The following HMGCLL1 variants were observed in gnomAD, a reference collection of about 807,000 sequenced individuals.
HMGCLL1 encodes the protein 3-hydroxy-3-methylglutaryl-CoA lyase like 1, also known as 3-hydroxymethyl-3-methylglutaryl-CoA lyase, cytoplasmic.
In HMGCLL1, 36 loss-of-function variants were observed where a neutral mutation model predicts 39.1. The ratio of observed to expected loss-of-function variants is 0.92; its 90% CI spans 0.71 to 1.22. HMGCLL1 has a LOEUF of 1.22. HMGCLL1 is among the 50% of genes most tolerant of loss of function. The pLI, the probability that HMGCLL1 is intolerant of heterozygous loss-of-function variation, is 0.00. For synonymous variants in HMGCLL1, 149 were observed against 144.0 expected, an observed-to-expected ratio of 1.03 and a Z score of -0.25; for missense variants, 451 against 416.5, an observed-to-expected ratio of 1.08 and a Z score of -0.72.
the HMGCLL1 span, among the ~76,000 whole-genome samples, chr6:55,636,540 A>G: frequency 6.6e-6 from 1 of 152,112 alleles, no homozygotes; most frequent in Non-Finnish European, 1.5e-5. Context: ...ATTGCTGGTA[A>G]GCTAAATAAC....
intron 3 of HMGCLL1, among the ~76,000 whole-genome samples, chr6:55,539,609 C>A (rs1344282703): frequency 1.3e-5 from 2 of 151,508 alleles, no homozygotes; most frequent in African/African-American, 4.9e-5. Context: ...GAATAGAAAA[C>A]CAAATACTGC....
the HMGCLL1 span, among the ~76,000 whole-genome samples, chr6:55,622,308 T>C: frequency 6.6e-6 from 1 of 152,060 alleles, no homozygotes; most frequent in South Asian, 2.1e-4. Flanking sequence ...TAGTACTATG[T>C]TGAATAATTG....
chr6:55,567,185 T>C (rs1183428229), intron 1 of HMGCLL1, among the ~76,000 whole-genome samples: 2 of 152,034 alleles, frequency 1.3e-5, no homozygotes, highest in Non-Finnish European at 2.9e-5. Flanking sequence ...ACTTCAAAAG[T>C]ATTGAGGTTG....
chr6:55,641,811 T>C, the HMGCLL1 span, among the ~76,000 whole-genome samples: 1 of 151,508 alleles, frequency 6.6e-6, no homozygotes, highest in Non-Finnish European at 1.5e-5. Context: ...ACAATCCTTG[T>C]AATTTTAAAT....
chr6:55,476,679 T>G (rs1285436852), intron 7 of HMGCLL1, among the ~76,000 whole-genome samples: 2 of 151,724 alleles, frequency 1.3e-5, no homozygotes, highest in African/African-American at 4.8e-5. Context: ...ATGATTGGTT[T>G]TATATGTTAA....
At chr6:55,673,744 A>G in the HMGCLL1 span, among the ~76,000 whole-genome samples, 8,359 of 152,020 alleles carry the variant, frequency 0.055, 390 homozygotes, top group Non-Finnish European at 0.077. Flanking sequence ...CAACACTAGT[A>G]TTAATACTTT....
chr6:55,438,985 C>G (rs948561188), intron 8 of HMGCLL1, among the ~76,000 whole-genome samples: 1 of 152,002 alleles, frequency 6.6e-6, no homozygotes, highest in Non-Finnish European at 1.5e-5. Context: ...TGAAGCTCCC[C>G]TCTTTCACTG....
At chr6:55,527,595 T>C (rs182340218) in intron 3 of HMGCLL1, among the ~76,000 whole-genome samples, 44 of 152,190 alleles carry the variant, frequency 2.9e-4, no homozygotes, top group Admixed American at 1.5e-3. Flanking sequence ...CAAAAATATC[T>C]ATTGAAAATT....
intron 7 of HMGCLL1, among the ~76,000 whole-genome samples, chr6:55,477,181 ATT>A (rs763031065): frequency 1.1e-4 from 4 of 37,824 alleles, no homozygotes; most frequent in African/African-American, 4.4e-4. Flanking sequence ...TATATATTAT[ATT>A]TATATATTAT....
chr6:55,529,774 C>T (rs1581904035), intron 3 of HMGCLL1, among the ~76,000 whole-genome samples: 1 of 152,012 alleles, frequency 6.6e-6, no homozygotes, highest in African/African-American at 2.4e-5. Flanking sequence ...TTTACACTTA[C>T]CTTATTAGGT....
intron 7 of HMGCLL1, among the ~76,000 whole-genome samples, chr6:55,453,280 G>A (rs1025626072): frequency 1.3e-5 from 2 of 152,112 alleles, no homozygotes; most frequent in Non-Finnish European, 2.9e-5. Context: ...CCAGGTTCAC[G>A]CCATTCTCCT....
intron 7 of HMGCLL1, among the ~76,000 whole-genome samples, chr6:55,486,113 GTATA>G (rs955284231): frequency 6.7e-6 from 1 of 148,680 alleles, no homozygotes; most frequent in African/African-American, 2.5e-5. Context: ...GTGTGTGTGT[GTATA>G]TATATAGTCT....
At chr6:55,568,762 T>G (rs867284925) in intron 1 of HMGCLL1, among the ~76,000 whole-genome samples, 1 of 152,108 alleles carries the variant, frequency 6.6e-6, no homozygotes, top group Non-Finnish European at 1.5e-5. Context: ...TTGCTTTATA[T>G]CTTTTAAAAA....
At chr6:55,630,367 C>A in the HMGCLL1 span, among the ~76,000 whole-genome samples, 2 of 152,032 alleles carry the variant, frequency 1.3e-5, no homozygotes, top group African/African-American at 4.8e-5. Context: ...AATGCCCATA[C>A]CCCTATTGTA....
the HMGCLL1 span, among the ~76,000 whole-genome samples, chr6:55,675,847 CTTTGTG>C: frequency 6.6e-6 from 1 of 151,864 alleles, no homozygotes; most frequent in African/African-American, 2.4e-5. Flanking sequence ...TTACATCGTT[CTTTGTG>C]TTTGTGTGTG....
chr6:55,507,249 G>A (rs574896917), intron 5 of HMGCLL1, among the ~76,000 whole-genome samples: 10 of 151,860 alleles, frequency 6.6e-5, no homozygotes, highest in African/African-American at 2.2e-4. Context: ...TTATACATAT[G>A]TATGTAAAGG....
At chr6:55,593,933 T>C in the HMGCLL1 span, among the ~76,000 whole-genome samples, 1 of 152,200 alleles carries the variant, frequency 6.6e-6, no homozygotes. Context: ...AGCTGGCTTA[T>C]AAACCTAAAC....
At chr6:55,552,574 T>G (rs1037156288) in intron 1 of HMGCLL1, among the ~76,000 whole-genome samples, 36 of 152,052 alleles carry the variant, frequency 2.4e-4, no homozygotes, top group African/African-American at 1.9e-4. Flanking sequence ...TAAAGCCACA[T>G]ATAGTGCTGT....
At chr6:55,622,981 A>G in the HMGCLL1 span, among the ~76,000 whole-genome samples, 1 of 151,972 alleles carries the variant, frequency 6.6e-6, no homozygotes, top group Non-Finnish European at 1.5e-5. Context: ...TTCCTGGTTC[A>G]ATCTTGGTAG....
Sources: allele counts gnomAD v4.1 joint callset (sites outside exome capture counted in the v4.1 genomes callset), GRCh38; gene constraint gnomAD v4.1.1; transcripts MANE v1.5; gene names NCBI Gene and HGNC (gene_info 2026-07-23, HGNC 2026-07-21).